Variants in TRIP12 observed in about 807,000 individuals in gnomAD.
TRIP12 encodes E3 ubiquitin-protein ligase TRIP12.
In TRIP12, 25 loss-of-function variants were observed where a neutral mutation model predicts 244.2. That is an observed-to-expected ratio of 0.10 (90% CI 0.07 to 0.14). The LOEUF (loss-of-function observed/expected upper bound fraction) is 0.14, where lower values mean the gene tolerates loss of function less well. Among genes scored for constraint, TRIP12 ranks in the 10% least tolerant of loss-of-function variants. The pLI, the probability that TRIP12 is intolerant of heterozygous loss-of-function variation, is 1.00. For missense variants in TRIP12, 1,677 were observed against 2,486.4 expected (o/e 0.67, Z 6.92); for synonymous variants, 905 against 873.1 (o/e 1.04, Z -0.64).
Position 229,771,628 on chromosome 2 carries a change from A to C in TRIP12, c.5699T>G (p.Val1900Gly). 6.2e-7 allele frequency: 1 copy of C among 1,612,236 alleles called. No individual in the cohort carries two copies. Among genetic ancestry groups the C allele is most frequent in the Non-Finnish European group, 8.5e-7 (1 of 1,178,938 alleles). ...GCCTTCATTTAGTGCCCAGAATATA[A>C]CCAGCTGCAAAAAGAAAGTTTTCAA... ...IHNLEEYLRLVIFWALNEGVS... is the reference protein window; with the variant it reads ...IHNLEEYLRLGIFWALNEGVS... The change falls in exon 39 of 42, where the codon GTT becomes GGT. Residue 1900 changes from valine to glycine, a missense_variant. Val to Gly is a moderately radical substitution (Grantham distance 109). This residue lies in a region of TRIP12 where 171 missense variants were observed against 388.4 expected (regional missense o/e 0.44). Coordinates refer to ENST00000675903, the MANE Select transcript of TRIP12 (RefSeq NM_001348323.3).
At chr2:229,862,965 C>CA (rs1158027599) in intron 2 of TRIP12, among the ~76,000 whole-genome samples, 2 of 152,168 alleles carry the variant, frequency 1.3e-5, no homozygotes, top group Non-Finnish European at 2.9e-5. Context: ...CACGGTGGCT[C>CA]ATGCCTGTAA....
At chr2:229,822,454 CAG>C (rs1225726400) in intron 8 of TRIP12, among the ~76,000 whole-genome samples, 1 of 152,188 alleles carries the variant, frequency 6.6e-6, no homozygotes, top group Non-Finnish European at 1.5e-5. Flanking sequence ...ACAAAGAAAA[CAG>C]TGACTAGCAA....
chr2:229,868,939 G>C (rs1374657763), intron 2 of TRIP12, among the ~76,000 whole-genome samples: 2 of 152,200 alleles, frequency 1.3e-5, no homozygotes, highest in Non-Finnish European at 2.9e-5. Flanking sequence ...CATGTGACTT[G>C]CTTCAGCCAA....
intron 1 of TRIP12, among the ~76,000 whole-genome samples, chr2:229,885,245 C>T (rs1011806182): frequency 3.9e-5 from 6 of 152,126 alleles, no homozygotes; most frequent in African/African-American, 1.2e-4. Context: ...TAATTTCTTA[C>T]GGACTTATTT....
chr2:229,781,160 G>C (rs1024177372), intron 34 of TRIP12, among the ~76,000 whole-genome samples: 4 of 152,182 alleles, frequency 2.6e-5, no homozygotes, highest in African/African-American at 9.7e-5. Flanking sequence ...TACAACCTGG[G>C]GGTGGCCAGC....
chr2:229,831,405 T>G (rs2053325678), intron 6 of TRIP12, among the ~76,000 whole-genome samples: 1 of 152,180 alleles, frequency 6.6e-6, no homozygotes, highest in Non-Finnish European at 1.5e-5. Context: ...TTGGGCATGG[T>G]GGCTCACTCC....
At chr2:229,876,058 G>A (rs2063516164) in intron 2 of TRIP12, among the ~76,000 whole-genome samples, 1 of 152,150 alleles carries the variant, frequency 6.6e-6, no homozygotes, top group African/African-American at 2.4e-5. Context: ...TGGATCACCT[G>A]AGGTCAGGAG....
At chr2:229,852,485 CATTAT>C (rs1249591506) in intron 4 of TRIP12, among the ~76,000 whole-genome samples, 9 of 152,014 alleles carry the variant, frequency 5.9e-5, no homozygotes, top group African/African-American at 2.2e-4. Flanking sequence ...CCATCTATAT[CATTAT>C]ATTACCCTAC....
intron 1 of TRIP12, among the ~76,000 whole-genome samples, chr2:229,906,303 C>CAAA (rs34519454): frequency 2.0e-4 from 20 of 98,970 alleles, no homozygotes; most frequent in Non-Finnish European, 3.4e-4. Context: ...GAGACTGTCT[C>CAAA]AAAAAAAAAA....
At chr2:229,909,032 C>G (rs998499929) in intron 1 of TRIP12, among the ~76,000 whole-genome samples, 1 of 140,868 alleles carries the variant, frequency 7.1e-6, no homozygotes, top group African/African-American at 2.7e-5. Flanking sequence ...AGAGGTTGCA[C>G]TGAGCTGAGA....
intron 8 of TRIP12, among the ~76,000 whole-genome samples, chr2:229,826,490 T>C (rs1436645780): frequency 6.6e-6 from 1 of 152,210 alleles, no homozygotes; most frequent in Non-Finnish European, 1.5e-5. Flanking sequence ...ATAAAGTGAC[T>C]GTGTGTTTTG....
At chr2:229,885,633 A>G (rs2065858699) in intron 1 of TRIP12, among the ~76,000 whole-genome samples, 1 of 152,248 alleles carries the variant, frequency 6.6e-6, no homozygotes, top group African/African-American at 2.4e-5. Context: ...ACCCTTGTGT[A>G]TAAAAGAAGT....
At chr2:229,863,219 A>G (rs1160178068) in intron 2 of TRIP12, among the ~76,000 whole-genome samples, 2 of 147,460 alleles carry the variant, frequency 1.4e-5, no homozygotes, top group East Asian at 4.0e-4. Flanking sequence ...ACAGGGCGAG[A>G]CTCCATCTCG....
At chr2:229,786,795 C>A (rs2040200156) in intron 33 of TRIP12, among the ~76,000 whole-genome samples, 1 of 151,976 alleles carries the variant, frequency 6.6e-6, no homozygotes, top group Non-Finnish European at 1.5e-5. Context: ...TCCCTGCCAT[C>A]CATCTAACTC....
chr2:229,790,920 CAATTT>C, intron 30 of TRIP12, among the ~76,000 whole-genome samples, 199 bp downstream of exon 30: 1 of 152,226 alleles, frequency 6.6e-6, no homozygotes, highest in African/African-American at 2.4e-5. Flanking sequence ...TTTTCCTTCC[CAATTT>C]AATTTTGTAG....
At chr2:229,860,170 GGGAATC>G (rs1559927131) in intron 3 of TRIP12, among the ~76,000 whole-genome samples, 2 of 152,090 alleles carry the variant, frequency 1.3e-5, no homozygotes, top group African/African-American at 4.8e-5. Flanking sequence ...TAAGCAAAGG[GGGAATC>G]TTACGGCTCT....
chr2:229,782,033 T>C (rs941152171), intron 34 of TRIP12, among the ~76,000 whole-genome samples: 2 of 152,080 alleles, frequency 1.3e-5, no homozygotes, highest in East Asian at 1.9e-4. Context: ...AACAGAACCA[T>C]GAGGGATGAG....
intron 30 of TRIP12, 136 bp from the exon 31 acceptor site, chr2:229,789,898 G>T: frequency 1.1e-6 from 1 of 920,336 alleles, no homozygotes; most frequent in Non-Finnish European, 1.6e-6. Context: ...GTAGGGTATT[G>T]ATAAGTTTGA....
chr2:229,898,932 G>A (rs914353674), intron 1 of TRIP12, among the ~76,000 whole-genome samples: 2 of 152,158 alleles, frequency 1.3e-5, no homozygotes, highest in African/African-American at 4.8e-5. Context: ...TAAACTCCTG[G>A]CTTCAAACGT....
Sources: allele counts gnomAD v4.1 joint callset (sites outside exome capture counted in the v4.1 genomes callset), GRCh38; gene constraint gnomAD v4.1.1; regional missense constraint gnomAD v4.1.1; transcripts MANE v1.5; gene names NCBI Gene and HGNC (gene_info 2026-07-23, HGNC 2026-07-21).